The following AGMO variants were observed in gnomAD, a reference collection of about 807,000 sequenced individuals.
The protein encoded by AGMO is alkylglycerol monooxygenase.
Under a neutral mutation model 60.2 loss-of-function variants are expected in AGMO, and 75 were observed. The ratio of observed to expected loss-of-function variants is 1.25; its 90% CI spans 1.03 to 1.51. The LOEUF (loss-of-function observed/expected upper bound fraction) is 1.51. Among genes scored for constraint, AGMO ranks in the 40% most tolerant of loss-of-function variants. AGMO has a pLI of 0.00. For missense variants in AGMO, 763 were observed against 525.5 expected (o/e 1.45, Z -4.42); for synonymous variants, 261 against 177.1 (o/e 1.47, Z -3.76).
rs370025027 is a variant in AGMO at position 15,561,784 on chromosome 7, T to TAA, written c.60_61dup (p.Tyr21PhefsTer4). The TAA allele has an allele frequency of 5.1e-3, 8,257 of 1,611,800 alleles. 34 individuals are homozygous for TAA. Among genetic ancestry groups the TAA allele is most frequent in the Non-Finnish European group, 5.4e-3 (6,371 of 1,178,564 alleles). On this transcript the variant is annotated frameshift_variant, in exon 1 of 13. Coordinates refer to ENST00000342526, the MANE Select transcript of AGMO (RefSeq NM_001004320.2). LOFTEE classifies it high-confidence loss of function. ...TGAAGTTTCACTGGGTTTCATCGTG[T>TAA]AAAACAACATGCGAAATCCCTGGGA...
chr7:15,279,508 G>T lies in AGMO; in HGVS notation c.1264-78149C>A, dbSNP rs182192915. 1.4e-4 allele frequency among the ~76,000 whole-genome samples: 21 copies of T among 152,114 alleles called. No individual in the cohort carries two copies. In the East Asian group the frequency reaches 3.5e-3, roughly 25 times the overall value. On this transcript the variant is annotated intron_variant, in intron 12 of 12. Coordinates refer to ENST00000342526, the MANE Select transcript of AGMO (RefSeq NM_001004320.2). ...TTTTTAATAAGCTTTTTCAAAACAT[G>T]AAACTGATTTGTTTTGTTTTGTTCT...
chr7:15,151,829 C>T, the AGMO span, among the ~76,000 whole-genome samples: 1 of 152,066 alleles, frequency 6.6e-6, no homozygotes, highest in Non-Finnish European at 1.5e-5. Context: ...TCCATTTGGT[C>T]AGGGTTGACT....
intron 12 of AGMO, among the ~76,000 whole-genome samples, chr7:15,323,743 T>G (rs527508030): frequency 4.6e-5 from 7 of 152,204 alleles, no homozygotes; most frequent in Non-Finnish European, 7.3e-5. Flanking sequence ...CAGAGCAGCT[T>G]TGCAGCTGTT....
In AGMO at chr7:15,319,230, A is replaced by G. The variant is rs1781032588; in HGVS notation, c.1263+46284T>C. Among the ~76,000 whole-genome samples, 4 of 152,178 alleles carry G rather than the reference A, an allele frequency of 2.6e-5. 1 individual carries two copies. The South Asian group carries it at 6.2e-4, about 24-fold the overall frequency. On this transcript the variant is annotated intron_variant, in intron 12 of 12. Coordinates refer to ENST00000342526, the MANE Select transcript of AGMO (RefSeq NM_001004320.2). ...AAGTGAGATAAAATAATTTTAAAAT[A>G]TGGTTGAGGGAAATTAGTGATGTTA...
intron 4 of AGMO, among the ~76,000 whole-genome samples, chr7:15,418,983 C>A (rs564281235): frequency 6.6e-6 from 1 of 151,976 alleles, no homozygotes; most frequent in South Asian, 2.1e-4. Context: ...CAAATACTCT[C>A]TTTATGTTAA....
intron 2 of AGMO, among the ~76,000 whole-genome samples, chr7:15,555,809 T>C (rs986608174): frequency 6.6e-6 from 1 of 151,994 alleles, no homozygotes; most frequent in Non-Finnish European, 1.5e-5. Flanking sequence ...ACGCAATTAA[T>C]AACAAAGACA....
intron 12 of AGMO, among the ~76,000 whole-genome samples, chr7:15,356,953 CAAAAAAAAAA>C (rs917201250): frequency 3.0e-4 from 21 of 68,912 alleles, no homozygotes; most frequent in East Asian, 1.0e-3. Context: ...ACTAAAATTA[CAAAAAAAAAA>C]AAAAAAAAAA....
chr7:15,214,913 G>A (rs924442359), intron 12 of AGMO, among the ~76,000 whole-genome samples: 1 of 151,932 alleles, frequency 6.6e-6, no homozygotes. Flanking sequence ...TGCTTTAACT[G>A]CCTACATCTT....
intron 12 of AGMO, among the ~76,000 whole-genome samples, chr7:15,334,687 A>G (rs1399190305): frequency 6.6e-6 from 1 of 152,174 alleles, no homozygotes; most frequent in Admixed American, 6.6e-5. Context: ...ACCATTATTG[A>G]AAGCCTTACT....
At chr7:15,229,483 C>T (rs1428141853) in intron 12 of AGMO, among the ~76,000 whole-genome samples, 2 of 147,242 alleles carry the variant, frequency 1.4e-5, no homozygotes. Flanking sequence ...AACTTCTCCC[C>T]ATCTACACAT....
At chr7:15,470,496 A>G (rs921391238) in intron 3 of AGMO, among the ~76,000 whole-genome samples, 1 of 151,950 alleles carries the variant, frequency 6.6e-6, no homozygotes, top group African/African-American at 2.4e-5. Context: ...TCAAGTATTC[A>G]TAATTAGAAT....
At chr7:15,131,350 T>A in the AGMO span, among the ~76,000 whole-genome samples, 12 of 152,238 alleles carry the variant, frequency 7.9e-5, no homozygotes, top group African/African-American at 2.6e-4. Flanking sequence ...AGAACTGGTT[T>A]AAATTATATT....
At chr7:15,270,442 TG>T (rs2128513417) in intron 12 of AGMO, among the ~76,000 whole-genome samples, 1 of 152,108 alleles carries the variant, frequency 6.6e-6, no homozygotes, top group Non-Finnish European at 1.5e-5. Context: ...TGTCTGTTCA[TG>T]TCCTTTGCCC....
intron 3 of AGMO, among the ~76,000 whole-genome samples, chr7:15,491,817 T>C (rs1326121989): frequency 6.6e-6 from 1 of 152,176 alleles, no homozygotes; most frequent in East Asian, 1.9e-4. Flanking sequence ...TTGTAGTCAA[T>C]GAACAGTATG....
At chr7:15,249,999 T>G (rs1782884691) in intron 12 of AGMO, among the ~76,000 whole-genome samples, 1 of 152,218 alleles carries the variant, frequency 6.6e-6, no homozygotes, top group South Asian at 2.1e-4. Context: ...CACCGGTCAG[T>G]ATTTATTCCC....
intron 3 of AGMO, among the ~76,000 whole-genome samples, chr7:15,494,883 C>A (rs556043973): frequency 3.3e-5 from 5 of 152,318 alleles, no homozygotes; most frequent in South Asian, 2.1e-4. Flanking sequence ...AGGTCTCAGA[C>A]TTACTAAATG....
chr7:15,484,799 C>A (rs1782868527), intron 3 of AGMO, among the ~76,000 whole-genome samples: 2 of 151,988 alleles, frequency 1.3e-5, no homozygotes, highest in Non-Finnish European at 1.5e-5. Context: ...AAACAACAAA[C>A]TCAAAATGTC....
chr7:15,440,465 T>C (rs573182887), intron 3 of AGMO, among the ~76,000 whole-genome samples: 1 of 152,324 alleles, frequency 6.6e-6, no homozygotes, highest in East Asian at 1.9e-4. Context: ...GTGTAATTTG[T>C]ATACACACAT....
At chr7:15,312,766 C>G (rs977137425) in intron 12 of AGMO, among the ~76,000 whole-genome samples, 4 of 151,818 alleles carry the variant, frequency 2.6e-5, no homozygotes, top group African/African-American at 9.7e-5. Flanking sequence ...TCACTGCAAC[C>G]TCTGCCTCCT....
Sources: allele counts gnomAD v4.1 joint callset (sites outside exome capture counted in the v4.1 genomes callset), GRCh38; gene constraint gnomAD v4.1.1; transcripts MANE v1.5; gene names NCBI Gene and HGNC (gene_info 2026-07-23, HGNC 2026-07-21).